SPATA17: variants seen among roughly 807,000 people sequenced by gnomAD.
The protein encoded by SPATA17 is spermatogenesis-associated protein 17.
Under a neutral mutation model 62.2 loss-of-function variants are expected in SPATA17, and 53 were observed. The ratio of observed to expected loss-of-function variants is 0.85; its 90% CI spans 0.68 to 1.07. The LOEUF is 1.07. SPATA17 is among the 50% of genes least tolerant of loss of function. The probability of loss-of-function intolerance (pLI) is 0.00; values close to 1 mark genes in which losing one functional copy is unlikely to be tolerated. For synonymous variants in SPATA17, 146 were observed against 146.8 expected (o/e 0.99, Z 0.04); for missense variants, 466 against 425.5 (o/e 1.10, Z -0.84).
At chr1:217,750,715 T>C (rs1384824087) in intron 6 of SPATA17, among the ~76,000 whole-genome samples, 1 of 152,152 alleles carries the variant, frequency 6.6e-6, no homozygotes, top group African/African-American at 2.4e-5. Flanking sequence ...TGTATGAATG[T>C]TTTCATGCAG....
chr1:217,714,488 C>CTGTTTTTTTTTTTTTTTTTTTTTTTT (rs1671952312), intron 5 of SPATA17, among the ~76,000 whole-genome samples: 1 of 121,432 alleles, frequency 8.2e-6, no homozygotes, highest in Non-Finnish European at 1.7e-5. Context: ...AAACGTGTTT[C>CTGTTTTTTTTTTTTTTTTTTTTTTTT]TTTTTTTTTT....
At position 217,676,624 on chromosome 1, in the gene SPATA17, T is replaced by C. The variant is rs1383445913; in HGVS notation, c.292-6634T>C. Among the ~76,000 whole-genome samples the C allele has an allele frequency of 2.6e-5, 4 of 152,280 alleles. No homozygotes were observed. In the East Asian group the frequency reaches 7.7e-4, roughly 29 times the overall value. ...TTTGGAATGTAATAATGGTAAACTT[T>C]ATGGGAAATATTTGTTCCTTGTAAT... On this transcript the variant is annotated intron_variant, in intron 4 of 10. Coordinates refer to ENST00000366933, the MANE Select transcript of SPATA17 (RefSeq NM_138796.4).
At chr1:217,715,476 T>A (rs1178176473) in intron 5 of SPATA17, among the ~76,000 whole-genome samples, 1 of 152,150 alleles carries the variant, frequency 6.6e-6, no homozygotes, top group Non-Finnish European at 1.5e-5. Flanking sequence ...TGCTAATAGG[T>A]AAGGTCTATT....
intron 9 of SPATA17, among the ~76,000 whole-genome samples, chr1:217,828,607 C>A (rs1675057996): frequency 1.4e-5 from 2 of 147,658 alleles, no homozygotes; most frequent in East Asian, 3.9e-4. Context: ...TAAACTAAAT[C>A]TAAACTAAAA....
chr1:217,748,617 C>T (rs1224391617), intron 6 of SPATA17, among the ~76,000 whole-genome samples: 1 of 150,962 alleles, frequency 6.6e-6, no homozygotes, highest in East Asian at 2.0e-4. Flanking sequence ...TGGTGGCGGG[C>T]GCCTGTAATC....
In SPATA17 at chr1:217,770,978, A is replaced by ATTTTTTTTTTTTTTTTT. The variant is rs374042087; in HGVS notation, c.520-3342_520-3326dup. Reference sequence around the variant, plus strand: ...ATGTATCTATTATATAACTCATTGCATTTTTTTTTTTTTTTTTTTTTTTTT... The same window carrying ATTTTTTTTTTTTTTTTT: ...ATGTATCTATTATATAACTCATTGCATTTTTTTTTTTTTTTTTTTTTTTTTTTTTTTTTTTTTTTTTT... On this transcript the variant is annotated intron_variant, in intron 6 of 10. Coordinates refer to ENST00000366933, the MANE Select transcript of SPATA17 (RefSeq NM_138796.4). 6.2e-4 allele frequency among the ~76,000 whole-genome samples: 31 copies of ATTTTTTTTTTTTTTTTT among 50,160 alleles called. 4 individuals carry two copies. The highest frequency in any genetic ancestry group is 1.0e-3 in the African/African-American group (12 of 11,570). 32.9% of individuals were successfully genotyped at this position (50,160 alleles called of 152,430 possible).
intron 9 of SPATA17, among the ~76,000 whole-genome samples, chr1:217,828,277 A>T (rs1675048035): frequency 6.6e-6 from 1 of 151,968 alleles, no homozygotes. Flanking sequence ...AAATTGAAAC[A>T]TATGTGGTCA....
At chr1:217,773,356 C>T (rs1485656372) in intron 6 of SPATA17, among the ~76,000 whole-genome samples, 1 of 151,082 alleles carries the variant, frequency 6.6e-6, no homozygotes, top group Non-Finnish European at 1.5e-5. Flanking sequence ...GTCATATTGC[C>T]CTTTAAAATG....
intron 5 of SPATA17, among the ~76,000 whole-genome samples, chr1:217,741,248 C>T (rs1156543205): frequency 6.6e-6 from 1 of 152,082 alleles, no homozygotes; most frequent in Admixed American, 6.5e-5. Context: ...ATATCATAAT[C>T]TGTTTAGCAG....
chr1:217,747,277 T>C (rs989677712), intron 6 of SPATA17, among the ~76,000 whole-genome samples: 10 of 152,148 alleles, frequency 6.6e-5, no homozygotes, highest in African/African-American at 2.2e-4. Flanking sequence ...TTGAAGAAAA[T>C]CTCATTTGCA....
chr1:217,733,360 C>G (rs749710580), intron 5 of SPATA17, among the ~76,000 whole-genome samples: 1 of 152,150 alleles, frequency 6.6e-6, no homozygotes, highest in Non-Finnish European at 1.5e-5. Flanking sequence ...ATGATCCAGT[C>G]TTATTTCAAC....
rs1177879512 is a variant in SPATA17, at chr1:217,825,050, GTATT to G, written c.1005+23208_1005+23211del. On this transcript the variant is annotated intron_variant, in intron 9 of 10. Coordinates refer to ENST00000366933, the MANE Select transcript of SPATA17 (RefSeq NM_138796.4). Reference sequence around the variant, plus strand: ...ATATAAATTCAATACATATACAAATGTATTTATTTATATGAATACATATATTCAT... The same window carrying G: ...ATATAAATTCAATACATATACAAATGTATTTATATGAATACATATATTCAT... 7.1e-4 allele frequency among the ~76,000 whole-genome samples: 37 copies of G among 52,330 alleles called. No homozygotes were observed. The Admixed American group carries it at 8.0e-3, about 11-fold the overall frequency. The allele number at this position is 52,330 out of a possible 152,430, so 34.3% of individuals were successfully genotyped here. A position where few individuals can be genotyped will look rare whatever the true frequency, so the allele number is the denominator to read the frequency against.
intron 6 of SPATA17, among the ~76,000 whole-genome samples, chr1:217,745,301 T>C (rs1672722375): frequency 6.6e-6 from 1 of 152,194 alleles, no homozygotes; most frequent in South Asian, 2.1e-4. Flanking sequence ...AGACAACCCT[T>C]TGAACCTATG....
chr1:217,662,906 G>A (rs1413314345), intron 3 of SPATA17, among the ~76,000 whole-genome samples: 1 of 152,084 alleles, frequency 6.6e-6, no homozygotes, highest in Non-Finnish European at 1.5e-5. Context: ...TCACCTTTTA[G>A]TGTAATACCA....
At position 217,806,345 on chromosome 1, in the gene SPATA17, C is replaced by T. The variant is rs140277313; in HGVS notation, c.1005+4495C>T. On this transcript the variant is annotated intron_variant, in intron 9 of 10. Transcript: ENST00000366933. ...CTGCCCTAGAGGAACTGAACAGGGT[C>T]ATCCTGCCCCACAGAATCTAGAGAG... 3.3e-3 allele frequency among the ~76,000 whole-genome samples: 496 copies of T among 152,246 alleles called. 2 individuals are homozygous for T. Among genetic ancestry groups the T allele is most frequent in the Non-Finnish European group, 5.3e-3 (363 of 68,014 alleles).
chr1:217,696,337 C>T (rs1176674170), intron 5 of SPATA17, among the ~76,000 whole-genome samples: 3 of 152,120 alleles, frequency 2.0e-5, no homozygotes, highest in Non-Finnish European at 4.4e-5. Flanking sequence ...GGCAATGCCT[C>T]GCCCTGCTTC....
intron 2 of SPATA17, 52 bp from the exon 3 acceptor site, chr1:217,651,045 C>A: frequency 7.3e-7 from 1 of 1,365,434 alleles, no homozygotes. Context: ...AAAGATTTAA[C>A]TGACCTTGTT....
At chr1:217,850,083 C>T (rs146364196) in intron 9 of SPATA17, among the ~76,000 whole-genome samples, 19 of 152,036 alleles carry the variant, frequency 1.2e-4, no homozygotes, top group Non-Finnish European at 2.1e-4. Context: ...TTTTTGAATG[C>T]GGGGAGGTGG....
intron 10 of SPATA17, among the ~76,000 whole-genome samples, chr1:217,863,075 A>G (rs967545291): frequency 6.6e-5 from 10 of 151,936 alleles, no homozygotes; most frequent in Non-Finnish European, 1.0e-4. Flanking sequence ...AATGAGCCAA[A>G]AATACATTAA....
Sources: gnomAD v4.1 joint callset for allele counts (sites outside exome capture counted in the v4.1 genomes callset) on GRCh38, gnomAD v4.1.1 for gene constraint, MANE v1.5 for transcripts, NCBI Gene and HGNC (gene_info 2026-07-23, HGNC 2026-07-21) for gene names.